The following ECH1 variants were observed in gnomAD, a reference collection of about 807,000 sequenced individuals.
ECH1 encodes enoyl-CoA hydratase 1.
A neutral mutation model predicts 37.0 loss-of-function variants in ECH1; 30 were observed. The ratio of observed to expected loss-of-function variants is 0.81; its 90% CI spans 0.61 to 1.10. The LOEUF is 1.10. ECH1 is among the 50% of genes least tolerant of loss of function. The probability of loss-of-function intolerance (pLI) is 0.00; values close to 1 mark genes in which losing one functional copy is unlikely to be tolerated. For missense variants in ECH1, 456 were observed against 441.6 expected (o/e 1.03, Z -0.29); for synonymous variants, 178 against 176.0 (o/e 1.01, Z -0.09).
At position 38,815,463 on chromosome 19, in the gene ECH1, C is replaced by T; in HGVS notation, c.*150G>A. On this transcript the variant is annotated 3_prime_UTR_variant, in exon 10 of 10. Transcript: ENST00000221418. ...ATTGTTTGTGGGGTGAAGATAAGGC[C>T]TTGGGCTTGAGAAACTCATTGTCAT... is the stretch of plus-strand genomic sequence containing the variant. 1.4e-6 allele frequency: 1 copy of T among 723,312 alleles called. No individual in the cohort carries two copies. The highest frequency in any genetic ancestry group is 2.3e-6 in the Non-Finnish European group (1 of 434,136). The allele number at this position is 723,312 out of a possible 1,614,324, so 44.8% of individuals were successfully genotyped here. A position where few individuals can be genotyped will look rare whatever the true frequency, so the allele number is the denominator to read the frequency against.
chr19:38,816,067 C>G lies in ECH1; in HGVS notation c.732-60G>C. ...GGAAGGGCTCTCTCCTCCAGCCTCC[C>G]GCAGATGAAGAAGTGGCCACTCACA... is the stretch of plus-strand genomic sequence containing the variant. On this transcript the variant is annotated intron_variant, in intron 8 of 9. Coordinates refer to ENST00000221418, the MANE Select transcript of ECH1 (RefSeq NM_001398.3). The G allele has an allele frequency of 3.1e-6, 5 of 1,600,170 alleles. No homozygotes were observed. In the South Asian group the frequency reaches 5.6e-5, roughly 18 times the overall value.
At position 38,815,735 on chromosome 19, in the gene ECH1, G is replaced by T. The variant is rs1971563062; in HGVS notation, c.883-18C>A. ...CAGGACGCCTGGTACCGAGGGTGTTGAGAGAGAACGAGGAGAGAGATTAGC... is the reference window on the plus strand; with the variant it reads ...CAGGACGCCTGGTACCGAGGGTGTTTAGAGAGAACGAGGAGAGAGATTAGC... On this transcript the variant is annotated intron_variant, in intron 9 of 9. Coordinates refer to ENST00000221418, the MANE Select transcript of ECH1 (RefSeq NM_001398.3). 4 of 1,613,940 alleles carry T rather than the reference G, an allele frequency of 2.5e-6. No homozygotes were observed. The highest frequency in any genetic ancestry group is 3.4e-6 in the Non-Finnish European group (4 of 1,179,968).
intron 3 of ECH1, among the ~76,000 whole-genome samples, chr19:38,823,720 A>G (rs1236654663): frequency 6.6e-6 from 1 of 152,156 alleles, no homozygotes; most frequent in African/African-American, 2.4e-5. Flanking sequence ...TGAGCGGAAC[A>G]CTCAAAGGCA....
chr19:38,818,162 G>A, intron 3 of ECH1: 1 of 932,476 alleles, frequency 1.1e-6, no homozygotes, highest in Non-Finnish European at 1.3e-6. Context: ...CGCATCAGAA[G>A]TAGGATTTTA....
At chr19:38,817,874 AGGGG>A (rs1361084921) in intron 3 of ECH1, 27 of 474,006 alleles carry the variant, frequency 5.7e-5, no homozygotes, top group Non-Finnish European at 7.2e-5. Flanking sequence ...CACTTGCCCA[AGGGG>A]GTCACACTGG....
chr19:38,822,239 T>C (rs1971674272), intron 3 of ECH1, among the ~76,000 whole-genome samples: 1 of 151,706 alleles, frequency 6.6e-6, no homozygotes, highest in Non-Finnish European at 1.5e-5. Flanking sequence ...CAGCACTCTG[T>C]GTCTAGCTCA....
intron 3 of ECH1, among the ~76,000 whole-genome samples, chr19:38,825,866 C>A (rs1971731767): frequency 6.6e-6 from 1 of 152,180 alleles, no homozygotes; most frequent in Non-Finnish European, 1.5e-5. Flanking sequence ...AGGTCAGAAG[C>A]CCCCAACCAG....
At chr19:38,820,211 C>CAT (rs1971642750) in intron 3 of ECH1, 1 of 153,248 alleles carries the variant, frequency 6.5e-6, no homozygotes, top group Non-Finnish European at 1.4e-5. Context: ...CAGGCGCCTG[C>CAT]CACCATGCCC....
rs751494082 is a variant in ECH1, at chr19:38,817,406, G to A, written c.475-42C>T. 3 of 1,609,318 alleles carry A rather than the reference G, an allele frequency of 1.9e-6. No homozygotes were observed. The South Asian group carries it at 3.3e-5, about 18-fold the overall frequency. On this transcript the variant is annotated intron_variant, in intron 4 of 9. Coordinates refer to ENST00000221418, the MANE Select transcript of ECH1 (RefSeq NM_001398.3). ...AGAGTGGGGTCAGGGCTGGCCCAGG[G>A]GAGGCGCGTATGGAGAAAGATCCCC... is the stretch of plus-strand genomic sequence containing the variant.
At chr19:38,824,936 C>A (rs955679881) in intron 3 of ECH1, among the ~76,000 whole-genome samples, 2 of 152,266 alleles carry the variant, frequency 1.3e-5, no homozygotes, top group Admixed American at 6.5e-5. Context: ...TGGTCCCACC[C>A]GGGTACATGT....
chr19:38,829,321 C>T (rs1971784468), intron 3 of ECH1, among the ~76,000 whole-genome samples: 1 of 150,318 alleles, frequency 6.7e-6, no homozygotes, highest in South Asian at 2.1e-4. Flanking sequence ...ATTAGCTAGG[C>T]CTGGTGGCGG....
At chr19:38,817,424 A>G (rs747652133) in intron 4 of ECH1, 27 bp downstream of exon 4, 19 of 1,612,082 alleles carry the variant, frequency 1.2e-5, no homozygotes, top group Middle Eastern at 1.6e-4. Flanking sequence ...GTATGGAGAA[A>G]GATCCCCTCC....
intron 3 of ECH1, chr19:38,823,004 C>T (rs1971686895): frequency 6.6e-6 from 1 of 152,444 alleles, no homozygotes; most frequent in African/African-American, 2.4e-5. Context: ...AGACCACGAA[C>T]CCACTGGGAG....
At position 38,831,063 on chromosome 19, in the gene ECH1, A is replaced by G; in HGVS notation, c.349+15T>C. On this transcript the variant is annotated intron_variant, in intron 3 of 9. Coordinates refer to ENST00000221418, the MANE Select transcript of ECH1 (RefSeq NM_001398.3). ...GCTAGGAAGGCTGGCAGGGTGTGTG[A>G]AGAGCGTCTGGTACCTGCAGTGAAC... 6.2e-7 allele frequency: 1 copy of G among 1,612,968 alleles called. No individual in the cohort carries two copies. The highest frequency in any genetic ancestry group is 8.5e-7 in the Non-Finnish European group (1 of 1,178,940).
chr19:38,827,802 G>A lies in ECH1; in HGVS notation c.349+3276C>T, dbSNP rs1971760492. On this transcript the variant is annotated intron_variant, in intron 3 of 9. Coordinates refer to ENST00000221418, the MANE Select transcript of ECH1 (RefSeq NM_001398.3). Reference sequence around the variant, plus strand: ...CCACCTCAGCCTCCAGAGTAGCTGGGAGTGTGGTCATTCATCACACCCAGC... The same window carrying A: ...CCACCTCAGCCTCCAGAGTAGCTGGAAGTGTGGTCATTCATCACACCCAGC... 2.0e-5 allele frequency among the ~76,000 whole-genome samples: 3 copies of A among 152,154 alleles called. No homozygotes were observed. In the South Asian group the frequency reaches 6.2e-4, roughly 32 times the overall value.
At chr19:38,819,515 C>A (rs1053266756) in intron 3 of ECH1, among the ~76,000 whole-genome samples, 5 of 151,982 alleles carry the variant, frequency 3.3e-5, no homozygotes, top group African/African-American at 1.2e-4. Context: ...TCTGAGAACA[C>A]AGGAGTTTTT....
intron 3 of ECH1, among the ~76,000 whole-genome samples, chr19:38,828,389 G>A (rs542185303): frequency 1.2e-3 from 184 of 151,774 alleles, no homozygotes; most frequent in African/African-American, 4.3e-3. Context: ...GCACCACCAC[G>A]CCGGGAAAAT....
At chr19:38,828,766 C>A (rs1173788063) in intron 3 of ECH1, among the ~76,000 whole-genome samples, 1 of 151,896 alleles carries the variant, frequency 6.6e-6, no homozygotes, top group Admixed American at 6.6e-5. Flanking sequence ...AAGGTGCCCG[C>A]CACCATGCCT....
Position 38,815,877 on chromosome 19 carries a change from C to A in ECH1, c.862G>T (p.Ala288Ser). The A allele has an allele frequency of 1.2e-6, 2 of 1,614,156 alleles. No homozygotes were observed. Among genetic ancestry groups the A allele is most frequent in the Non-Finnish European group, 1.7e-6 (2 of 1,180,028 alleles). The change falls in exon 9 of 10, where the codon GCC (alanine) becomes TCC (serine). Residue 288 changes from alanine to serine, a missense_variant. Physicochemically the swap from Ala to Ser is moderately conservative, Grantham distance 99 (BLOSUM62 1). Transcript: ENST00000221418. Reference protein sequence around the residue: ...NLLYSRDHSVAESLNYVASWN... With the variant: ...NLLYSRDHSVSESLNYVASWN... Reference sequence around the variant, plus strand: ...CTTACCACGTAGTTGAGGCTCTCGGCCACCGAATGGTCGCGGGAATACAGC... The same window carrying A: ...CTTACCACGTAGTTGAGGCTCTCGGACACCGAATGGTCGCGGGAATACAGC...
Sources: gnomAD v4.1 joint callset for allele counts (sites outside exome capture counted in the v4.1 genomes callset) on GRCh38, gnomAD v4.1.1 for gene constraint, MANE v1.5 for transcripts, NCBI Gene and HGNC (gene_info 2026-07-23, HGNC 2026-07-21) for gene names.